The following PDE5A variants were observed in gnomAD, a reference collection of about 807,000 sequenced individuals.
PDE5A encodes the protein phosphodiesterase 5A.
A neutral mutation model predicts 110.2 loss-of-function variants in PDE5A; 67 were observed. That is an observed-to-expected ratio of 0.61 (90% CI 0.50 to 0.75). The LOEUF (loss-of-function observed/expected upper bound fraction) is 0.75. Ranked by LOEUF, PDE5A falls within the 30% of genes least tolerant of loss-of-function variation. The probability of loss-of-function intolerance (pLI) is 0.00; values close to 1 mark genes in which losing one functional copy is unlikely to be tolerated. For missense variants in PDE5A, 862 were observed against 1,045.1 expected (o/e 0.82, Z 2.42); for synonymous variants, 328 against 351.2 (o/e 0.93, Z 0.74).
chr4:119,513,104 T>C (rs1010547221), intron 14 of PDE5A: 2 of 152,182 alleles, frequency 1.3e-5, no homozygotes, highest in African/African-American at 4.8e-5. Context: ...TCCAGTTTCA[T>C]GCACGCTTTA....
chr4:119,569,779 A>C (rs985044035), intron 3 of PDE5A: 1 of 152,652 alleles, frequency 6.6e-6, no homozygotes, highest in Admixed American at 6.5e-5. Context: ...TCACTGTGAC[A>C]AGGGGCACAA....
chr4:119,623,376 T>C (rs1730230122), intron 1 of PDE5A, among the ~76,000 whole-genome samples: 1 of 152,250 alleles, frequency 6.6e-6, no homozygotes, highest in Non-Finnish European at 1.5e-5. Flanking sequence ...TTAATTGTCC[T>C]ACAGTCCTTA....
chr4:119,502,276 T>C (rs993489087), intron 19 of PDE5A: 1 of 208,974 alleles, frequency 4.8e-6, no homozygotes, highest in Non-Finnish European at 9.7e-6. Flanking sequence ...ATCGATTTCA[T>C]GTAATCATGA....
chr4:119,562,767 A>C (rs1010084714), intron 6 of PDE5A, 66 bp downstream of exon 6: 3 of 1,345,556 alleles, frequency 2.2e-6, no homozygotes, highest in African/African-American at 1.5e-5. Flanking sequence ...GAGGTTTAAA[A>C]GTAGTGCTTA....
intron 11 of PDE5A, chr4:119,538,665 C>A: frequency 9.7e-6 from 3 of 310,140 alleles, no homozygotes; most frequent in Non-Finnish European, 1.2e-5. Context: ...CAAACAACCA[C>A]CTCATGGTCC....
intron 14 of PDE5A, among the ~76,000 whole-genome samples, chr4:119,515,161 C>A (rs1347387145): frequency 6.6e-6 from 1 of 151,900 alleles, no homozygotes; most frequent in Non-Finnish European, 1.5e-5. Context: ...TCACTTTATT[C>A]ATAGTCAGAT....
intron 18 of PDE5A, 31 bp from the exon 19 acceptor site, chr4:119,502,686 A>G: frequency 7.3e-7 from 1 of 1,363,768 alleles, no homozygotes; most frequent in South Asian, 1.2e-5. Context: ...AGTTTTGACA[A>G]TGAAAAGCAT....
At chr4:119,587,574 CG>C (rs1476953365) in intron 3 of PDE5A, among the ~76,000 whole-genome samples, 1 of 152,010 alleles carries the variant, frequency 6.6e-6, no homozygotes, top group Non-Finnish European at 1.5e-5. Context: ...TTAGTAGAGA[CG>C]GGGTTTCACC....
rs140320558 is a variant in PDE5A at position 119,541,397 on chromosome 4, A to G, written c.1572+1062T>C. ...TATTTGAACACATATGTACATGTGT[A>G]TATGCACCTAATTGAAACTATATTT... On this transcript the variant is annotated intron_variant, in intron 10 of 20. Coordinates refer to ENST00000354960, the MANE Select transcript of PDE5A (RefSeq NM_001083.4). 5.8e-3 allele frequency among the ~76,000 whole-genome samples: 877 copies of G among 151,948 alleles called. 8 individuals carry two copies. Among genetic ancestry groups the G allele is most frequent in the African/African-American group, 0.02 (835 of 41,498 alleles).
chr4:119,537,396 T>G (rs770128586), intron 11 of PDE5A, among the ~76,000 whole-genome samples: 5 of 152,054 alleles, frequency 3.3e-5, no homozygotes, highest in Non-Finnish European at 1.5e-5. Flanking sequence ...CACAGCAGCT[T>G]TTTCACAATC....
intron 2 of PDE5A, among the ~76,000 whole-genome samples, chr4:119,604,550 C>G (rs1729461751): frequency 6.6e-6 from 1 of 152,112 alleles, no homozygotes; most frequent in African/African-American, 2.4e-5. Context: ...GAAGTTATTA[C>G]AGAGCTCAAA....
chr4:119,514,292 A>T (rs573354866), intron 14 of PDE5A, among the ~76,000 whole-genome samples: 2 of 152,156 alleles, frequency 1.3e-5, no homozygotes, highest in East Asian at 3.9e-4. Context: ...GGGGTGGGAA[A>T]CTATATTGCC....
rs1730396129 is a variant in PDE5A at position 119,627,403 on chromosome 4, G to A, written c.152+1117C>T. 12 of 655,720 alleles carry A rather than the reference G, an allele frequency of 1.8e-5. No individual in the cohort carries two copies. In the South Asian group the frequency reaches 3.4e-4, roughly 18 times the overall value. 40.6% of individuals were successfully genotyped at this position (655,720 alleles called of 1,614,324 possible). On this transcript the variant is annotated intron_variant, in intron 1 of 20. Transcript: ENST00000354960. The surrounding 1 kb of genome is among the most constrained non-coding windows in gnomAD (Gnocchi z 4.6). ...AGCCGCGGCCGCGCGCCGGCGAGTG[G>A]GACCCGGGCGTCGAACCCGGGCGGG...
At chr4:119,534,228 G>A (rs539974242) in intron 11 of PDE5A, among the ~76,000 whole-genome samples, 4 of 152,250 alleles carry the variant, frequency 2.6e-5, no homozygotes, top group Admixed American at 2.6e-4. Context: ...TGATGCCTTG[G>A]GGCTTCCCAA....
At chr4:119,585,567 G>C (rs1346602147) in intron 3 of PDE5A, among the ~76,000 whole-genome samples, 1 of 152,050 alleles carries the variant, frequency 6.6e-6, no homozygotes, top group African/African-American at 2.4e-5. Context: ...TTTATCCTCT[G>C]GCTAGTTTTA....
chr4:119,509,639 A>G (rs1490031566), intron 15 of PDE5A, among the ~76,000 whole-genome samples: 1 of 152,040 alleles, frequency 6.6e-6, no homozygotes, highest in African/African-American at 2.4e-5. Context: ...TCTATAGTAT[A>G]CTGATACCAT....
At chr4:119,620,911 G>A (rs1730120889) in intron 1 of PDE5A, among the ~76,000 whole-genome samples, 1 of 152,170 alleles carries the variant, frequency 6.6e-6, no homozygotes. Context: ...AGACCCAGTG[G>A]GAGAAGTGAA....
In PDE5A at chr4:119,627,356, C is replaced by A; in HGVS notation, c.152+1164G>T. 3.2e-5 allele frequency: 33 copies of A among 1,021,212 alleles called. No homozygotes were observed. The highest frequency in any genetic ancestry group is 3.9e-5 in the Non-Finnish European group (33 of 848,934). 63.3% of individuals were successfully genotyped at this position (1,021,212 alleles called of 1,614,324 possible). Reference sequence around the variant, plus strand: ...CCGCTCGCCCCGCGCTGCGCCGCCCCCTGGCGGGGAGCGACCGGCAGAGCC... The same window carrying A: ...CCGCTCGCCCCGCGCTGCGCCGCCCACTGGCGGGGAGCGACCGGCAGAGCC... On this transcript the variant is annotated intron_variant, in intron 1 of 20. Coordinates refer to ENST00000354960, the MANE Select transcript of PDE5A (RefSeq NM_001083.4). The surrounding 1 kb of genome is among the most constrained non-coding windows in gnomAD (Gnocchi z 4.6).
intron 7 of PDE5A, among the ~76,000 whole-genome samples, chr4:119,559,817 G>A (rs1727682011): frequency 6.6e-6 from 1 of 152,128 alleles, no homozygotes; most frequent in African/African-American, 2.4e-5. Context: ...ATTCAATTAT[G>A]ACCATGTGAA....
Sources: allele counts gnomAD v4.1 joint callset (sites outside exome capture counted in the v4.1 genomes callset), GRCh38; gene constraint gnomAD v4.1.1; non-coding constraint Gnocchi (gnomAD v3.1); transcripts MANE v1.5; gene names NCBI Gene and HGNC (gene_info 2026-07-23, HGNC 2026-07-21).